Variants in NALCN observed in about 807,000 individuals in gnomAD.
NALCN encodes the protein sodium leak channel NALCN.
NALCN carries 111 observed loss-of-function variants against 225.3 expected under a neutral mutation model. The ratio of observed to expected loss-of-function variants is 0.49; its 90% CI spans 0.42 to 0.58. The LOEUF (loss-of-function observed/expected upper bound fraction) is 0.58. NALCN is among the 20% of genes least tolerant of loss of function. NALCN has a pLI of 0.00. For synonymous variants in NALCN, 764 were observed against 769.0 expected (o/e 0.99, Z 0.11); for missense variants, 1,378 against 2,202.4 (o/e 0.63, Z 7.49).
intron 10 of NALCN, among the ~76,000 whole-genome samples, chr13:101,259,608 A>G (rs985593105): frequency 6.6e-6 from 1 of 151,582 alleles, no homozygotes; most frequent in African/African-American, 2.4e-5. Context: ...TGTTGGGATT[A>G]CAGGCATGAG....
chr13:101,181,995 G>A (rs953221688), intron 14 of NALCN, among the ~76,000 whole-genome samples: 6 of 151,802 alleles, frequency 4.0e-5, no homozygotes, highest in African/African-American at 7.3e-5. Flanking sequence ...TTAGCCGGGC[G>A]TGGTGGCGGG....
intron 7 of NALCN, among the ~76,000 whole-genome samples, chr13:101,307,113 G>A (rs552968449): frequency 6.6e-6 from 1 of 152,294 alleles, no homozygotes; most frequent in African/African-American, 2.4e-5. Flanking sequence ...TAAGGTCTCA[G>A]CTTCATTTTC....
Position 101,055,123 on chromosome 13 carries a change from C to A in NALCN, c.*172G>T. ...TTTTGAGCAATGATTGATAGTAACCCATCATACATGCAGCTTATGCCTTTC... is the reference window on the plus strand; with the variant it reads ...TTTTGAGCAATGATTGATAGTAACCAATCATACATGCAGCTTATGCCTTTC... On this transcript the variant is annotated 3_prime_UTR_variant, in exon 44 of 44. Coordinates refer to ENST00000251127, the MANE Select transcript of NALCN (RefSeq NM_052867.4). The A allele has an allele frequency of 1.7e-6, 1 of 600,758 alleles. No individual in the cohort carries two copies. Among genetic ancestry groups the A allele is most frequent in the Non-Finnish European group, 2.9e-6 (1 of 350,218 alleles). The allele number at this position is 600,758 out of a possible 1,614,324, so 37.2% of individuals were successfully genotyped here.
chr13:101,311,080 C>T (rs2044324746), intron 7 of NALCN, among the ~76,000 whole-genome samples: 2 of 151,344 alleles, frequency 1.3e-5, no homozygotes, highest in African/African-American at 4.9e-5. Context: ...CTTCACATCC[C>T]TCGTAAGTTG....
At chr13:101,175,760 C>T (rs1031272125) in intron 15 of NALCN, among the ~76,000 whole-genome samples, 2 of 152,182 alleles carry the variant, frequency 1.3e-5, no homozygotes, top group Non-Finnish European at 2.9e-5. Context: ...CAGCATTCAC[C>T]TATTTCTAGT....
In NALCN at chr13:101,250,520, A is replaced by C. The variant is rs1451245645; in HGVS notation, c.1266+7923T>G. Among the ~76,000 whole-genome samples the C allele has an allele frequency of 2.6e-5, 4 of 152,188 alleles. No homozygotes were observed. In the East Asian group the frequency reaches 5.8e-4, roughly 22 times the overall value. On this transcript the variant is annotated intron_variant, in intron 11 of 43. Transcript: ENST00000251127. ...ATTGCACTACAGGAGTGAGGAAAGA[A>C]TGAATTTTCAATGAATCTTCGAAGG...
chr13:101,288,042 GT>G (rs919768585), intron 9 of NALCN, among the ~76,000 whole-genome samples: 5 of 152,102 alleles, frequency 3.3e-5, no homozygotes, highest in African/African-American at 1.2e-4. Flanking sequence ...AAAATTTATG[GT>G]TTTTCAAAAA....
intron 37 of NALCN, among the ~76,000 whole-genome samples, chr13:101,070,063 G>GTTTGTTT: frequency 1.0e-5 from 1 of 98,314 alleles, no homozygotes; most frequent in Admixed American, 1.3e-4. Flanking sequence ...AATCATGAAT[G>GTTTGTTT]TTTTTTTTTT....
intron 28 of NALCN, among the ~76,000 whole-genome samples, chr13:101,091,191 T>C (rs2034213035): frequency 6.6e-6 from 1 of 152,170 alleles, no homozygotes; most frequent in Admixed American, 6.5e-5. Flanking sequence ...TCATGGACTA[T>C]ATTTCTTGAA....
chr13:101,237,119 TG>T (rs1247102740), intron 12 of NALCN, among the ~76,000 whole-genome samples: 1 of 151,824 alleles, frequency 6.6e-6, no homozygotes, highest in Non-Finnish European at 1.5e-5. Context: ...TAACAAAGAA[TG>T]TAACTAATAA....
At chr13:101,227,141 G>C (rs1256317550) in intron 13 of NALCN, among the ~76,000 whole-genome samples, 2 of 152,134 alleles carry the variant, frequency 1.3e-5, no homozygotes, top group African/African-American at 2.4e-5. Flanking sequence ...TTGGCTTGCT[G>C]TCCTGAGGAT....
chr13:101,361,104 C>T (rs1205576043), intron 6 of NALCN, among the ~76,000 whole-genome samples: 1 of 152,092 alleles, frequency 6.6e-6, no homozygotes, highest in Non-Finnish European at 1.5e-5. Context: ...TTTTTTACAA[C>T]TTTTGCCAGG....
At chr13:101,096,982 T>G (rs937309207) in intron 27 of NALCN, among the ~76,000 whole-genome samples, 1 of 152,242 alleles carries the variant, frequency 6.6e-6, no homozygotes, top group Middle Eastern at 3.4e-3. Flanking sequence ...CTTGGCCTCC[T>G]CCTTTCTGTC....
chr13:101,404,814 C>T (rs1486884109), intron 1 of NALCN, among the ~76,000 whole-genome samples: 1 of 152,138 alleles, frequency 6.6e-6, no homozygotes, highest in African/African-American at 2.4e-5. Context: ...TAAACACTAC[C>T]TTCAAACATC....
chr13:101,134,469 A>G (rs1199919418), intron 17 of NALCN, among the ~76,000 whole-genome samples: 3 of 152,194 alleles, frequency 2.0e-5, no homozygotes, highest in Non-Finnish European at 4.4e-5. Flanking sequence ...ATTTTCTTTC[A>G]TTGTCTAGCA....
rs547393110 is a variant in NALCN at position 101,136,625 on chromosome 13, G to A, written c.2118+6455C>T. On this transcript the variant is annotated intron_variant, in intron 17 of 43. Coordinates refer to ENST00000251127, the MANE Select transcript of NALCN (RefSeq NM_052867.4). ...CAGCTTCATCCACGTCCCTACAAAGGACATGAACTCATCCTTTTTTATGAC... is the reference window on the plus strand; with the variant it reads ...CAGCTTCATCCACGTCCCTACAAAGAACATGAACTCATCCTTTTTTATGAC... 7.4e-3 allele frequency among the ~76,000 whole-genome samples: 1,129 copies of A among 152,268 alleles called. 10 individuals are homozygous for A. Among genetic ancestry groups the A allele is most frequent in the Non-Finnish European group, 0.012 (833 of 68,028 alleles).
In NALCN at chr13:101,122,580, C is replaced by T. The variant is rs114756508; in HGVS notation, c.2192+2028G>A. ...TATTTAAAAATCAGCAACTATATCC[C>T]TCTTGCACCACGTTAAATAGAAGAA... On this transcript the variant is annotated intron_variant, in intron 18 of 43. Coordinates refer to ENST00000251127, the MANE Select transcript of NALCN (RefSeq NM_052867.4). Among the ~76,000 whole-genome samples, 757 of 152,272 alleles carry T rather than the reference C, an allele frequency of 5.0e-3. 8 individuals are homozygous for T. Among genetic ancestry groups the T allele is most frequent in the African/African-American group, 0.017 (696 of 41,558 alleles).
chr13:101,351,884 T>C (rs1449624001), intron 6 of NALCN, among the ~76,000 whole-genome samples: 1 of 152,204 alleles, frequency 6.6e-6, no homozygotes, highest in East Asian at 1.9e-4. Context: ...CTCTTCGTTA[T>C]TCACAATATC....
intron 13 of NALCN, among the ~76,000 whole-genome samples, chr13:101,204,671 G>C (rs34030556): frequency 1.3e-5 from 2 of 151,896 alleles, no homozygotes; most frequent in Non-Finnish European, 2.9e-5. Context: ...AAAAACCAGC[G>C]AATCTTTTTG....
Sources: allele counts gnomAD v4.1 joint callset (sites outside exome capture counted in the v4.1 genomes callset), GRCh38; gene constraint gnomAD v4.1.1; transcripts MANE v1.5; gene names NCBI Gene and HGNC (gene_info 2026-07-23, HGNC 2026-07-21).